Variants in MAF observed in about 807,000 individuals in gnomAD.
The protein encoded by MAF is MAF bZIP transcription factor.
MAF carries 10 observed loss-of-function variants against 22.0 expected under a neutral mutation model. The ratio of observed to expected loss-of-function variants is 0.45; its 90% CI spans 0.28 to 0.77. The LOEUF (loss-of-function observed/expected upper bound fraction) is 0.77. Ranked by LOEUF, MAF falls within the 30% of genes least tolerant of loss-of-function variation. The pLI, the probability that MAF is intolerant of heterozygous loss-of-function variation, is 0.12. For synonymous variants in MAF, 337 were observed against 255.8 expected (o/e 1.32, Z -3.03); for missense variants, 544 against 548.4 (o/e 0.99, Z 0.08).
the MAF span, among the ~76,000 whole-genome samples, chr16:79,439,056 A>G: frequency 6.6e-6 from 1 of 152,062 alleles, no homozygotes; most frequent in Admixed American, 6.6e-5. Flanking sequence ...CGTGTCCCCT[A>G]GCTCCAAGAG....
At chr16:79,351,038 C>T in the MAF span, among the ~76,000 whole-genome samples, 75 of 152,132 alleles carry the variant, frequency 4.9e-4, no homozygotes, top group Non-Finnish European at 1.0e-3. Flanking sequence ...CTGGCCACTT[C>T]CCGGGGAAGC....
the MAF span, among the ~76,000 whole-genome samples, chr16:79,271,815 A>G: frequency 1.3e-5 from 2 of 152,238 alleles, no homozygotes; most frequent in South Asian, 4.1e-4. Flanking sequence ...AAAAGGTACA[A>G]TATGGAGCTT....
At chr16:79,302,178 A>C in the MAF span, among the ~76,000 whole-genome samples, 1 of 152,210 alleles carries the variant, frequency 6.6e-6, no homozygotes, top group African/African-American at 2.4e-5. Context: ...GATGTGTTGG[A>C]AAGACCACTG....
the MAF span, among the ~76,000 whole-genome samples, chr16:79,291,961 G>T: frequency 9.9e-5 from 15 of 151,292 alleles, no homozygotes; most frequent in Admixed American, 3.3e-4. Flanking sequence ...GTAGGGCCTG[G>T]CTCCATTCAG....
chr16:79,596,826 G>C, intron 1 of MAF: 1 of 1,048,754 alleles, frequency 9.5e-7, no homozygotes, highest in Non-Finnish European at 1.2e-6. Flanking sequence ...TCTTAAAACT[G>C]TGCAGTAATG....
the MAF span, among the ~76,000 whole-genome samples, chr16:79,458,919 A>T: frequency 6.6e-6 from 1 of 152,212 alleles, no homozygotes; most frequent in South Asian, 2.1e-4. Context: ...CTACAGGAAA[A>T]TGCAGGGAAA....
the MAF span, among the ~76,000 whole-genome samples, chr16:79,298,201 G>A: frequency 6.6e-6 from 1 of 152,214 alleles, no homozygotes; most frequent in African/African-American, 2.4e-5. Flanking sequence ...TCTGCCCATG[G>A]GGACTTGCGT....
chr16:79,566,356 G>T, the MAF span, among the ~76,000 whole-genome samples: 1 of 152,174 alleles, frequency 6.6e-6, no homozygotes, highest in African/African-American at 2.4e-5. Flanking sequence ...TGGTCGGAGG[G>T]GCCTGGGCTG....
downstream of MAF, among the ~76,000 whole-genome samples, chr16:79,585,212 T>C (rs962706691): frequency 4.6e-5 from 7 of 152,212 alleles, no homozygotes; most frequent in African/African-American, 1.7e-4. Context: ...CACTTGTAAT[T>C]GAAAACCCAT....
chr16:79,491,426 T>C, the MAF span, among the ~76,000 whole-genome samples: 2 of 152,310 alleles, frequency 1.3e-5, no homozygotes, highest in Admixed American at 1.3e-4. Flanking sequence ...AGGTTCTTCT[T>C]TGTTGAACAC....
the MAF span, among the ~76,000 whole-genome samples, chr16:79,443,438 C>G: frequency 6.6e-6 from 1 of 152,168 alleles, no homozygotes; most frequent in African/African-American, 2.4e-5. Flanking sequence ...TGGGGACAGT[C>G]TGGTTGGATG....
chr16:79,431,723 C>T, the MAF span, among the ~76,000 whole-genome samples: 2 of 152,322 alleles, frequency 1.3e-5, no homozygotes, highest in African/African-American at 4.8e-5. Context: ...TCATTTGCAT[C>T]ACTAGCAGGG....
At chr16:79,314,001 C>T in the MAF span, among the ~76,000 whole-genome samples, 17 of 152,188 alleles carry the variant, frequency 1.1e-4, no homozygotes, top group African/African-American at 3.9e-4. Context: ...CGTTGGAATA[C>T]AGCAGCTTTT....
chr16:79,234,415 G>C, the MAF span, among the ~76,000 whole-genome samples: 1 of 152,146 alleles, frequency 6.6e-6, no homozygotes, highest in Non-Finnish European at 1.5e-5. Flanking sequence ...TCACTTAATA[G>C]AGTGTTCATT....
the MAF span, among the ~76,000 whole-genome samples, chr16:79,563,167 C>A: frequency 6.6e-6 from 1 of 152,112 alleles, no homozygotes; most frequent in African/African-American, 2.4e-5. Flanking sequence ...TTCCAGACAC[C>A]AAAGCTAAAC....
At chr16:79,542,907 G>C in the MAF span, among the ~76,000 whole-genome samples, 1 of 152,178 alleles carries the variant, frequency 6.6e-6, no homozygotes, top group African/African-American at 2.4e-5. Flanking sequence ...TCATAAGCTA[G>C]CACATCTGAC....
At chr16:79,583,955 C>T (rs932601530), downstream of MAF, among the ~76,000 whole-genome samples, 2 of 152,106 alleles carry the variant, frequency 1.3e-5, no homozygotes, top group East Asian at 1.9e-4. Flanking sequence ...GGTTGATGTG[C>T]GTATGTTAAG....
the MAF span, among the ~76,000 whole-genome samples, chr16:79,242,064 A>T: frequency 2.0e-5 from 3 of 152,076 alleles, no homozygotes; most frequent in Admixed American, 2.0e-4. Flanking sequence ...GAAAGGAACA[A>T]CTGGTACCAG....
the MAF span, among the ~76,000 whole-genome samples, chr16:79,257,469 G>A: frequency 6.6e-6 from 1 of 152,160 alleles, no homozygotes; most frequent in Non-Finnish European, 1.5e-5. Flanking sequence ...ATACAGAAAA[G>A]GCCATAATGT....
Sources: allele counts gnomAD v4.1 joint callset (sites outside exome capture counted in the v4.1 genomes callset), GRCh38; gene constraint gnomAD v4.1.1; transcripts MANE v1.5; gene names NCBI Gene and HGNC (gene_info 2026-07-23, HGNC 2026-07-21).